The following IPO9 variants were observed in gnomAD, a reference collection of about 807,000 sequenced individuals.
The protein encoded by IPO9 is importin-9.
A neutral mutation model predicts 128.6 loss-of-function variants in IPO9; 28 were observed. The ratio of observed to expected loss-of-function variants is 0.22; its 90% CI spans 0.16 to 0.30. The LOEUF (loss-of-function observed/expected upper bound fraction) is 0.30, where lower values mean the gene tolerates loss of function less well. Ranked by LOEUF, IPO9 falls within the 10% of genes least tolerant of loss-of-function variation. The pLI is 1.00. For synonymous variants in IPO9, 455 were observed against 475.8 expected (o/e 0.96, Z 0.57); for missense variants, 935 against 1,293.9 (o/e 0.72, Z 4.26).
intron 4 of IPO9, among the ~76,000 whole-genome samples, chr1:201,849,467 C>T (rs1680179185): frequency 6.6e-6 from 1 of 152,186 alleles, no homozygotes; most frequent in Admixed American, 6.6e-5. Flanking sequence ...CATCTTTCTC[C>T]TTTGTTCATA....
chr1:201,883,592 A>C lies in IPO9; in HGVS notation c.*7538A>C, dbSNP rs1035806780. On this transcript the variant is annotated 3_prime_UTR_variant, in exon 24 of 24. Transcript: ENST00000361565. ...TGAATTTGCAAGCTTAAGAGCATGT[A>C]TGAGCAGAACCTGTGCAGACCAAGG... 3.3e-5 allele frequency: 5 copies of C among 152,220 alleles called. No individual in the cohort carries two copies. Among genetic ancestry groups the C allele is most frequent in the Admixed American group, 1.3e-4 (2 of 15,282 alleles). 9.4% of individuals were successfully genotyped at this position (152,220 alleles called of 1,614,324 possible). A position where few individuals can be genotyped will look rare whatever the true frequency, so the allele number is the denominator to read the frequency against.
At chr1:201,874,590 A>G (rs575028271) in intron 21 of IPO9, among the ~76,000 whole-genome samples, 1 of 152,318 alleles carries the variant, frequency 6.6e-6, no homozygotes, top group East Asian at 1.9e-4. Context: ...GGCAGCCAGG[A>G]GGCAAGCTAA....
In IPO9 at chr1:201,842,081, T is replaced by C. The variant is rs1309490381; in HGVS notation, c.164-5198T>C. On this transcript the variant is annotated intron_variant, in intron 1 of 23. Transcript: ENST00000361565. ...GCATCAGATCCTACAGATTGAAAGC[T>C]CAGTCCCCAAAACTGCCCCCACCTG... Among the ~76,000 whole-genome samples, 3 of 151,992 alleles carry C rather than the reference T, an allele frequency of 2.0e-5. No homozygotes were observed. In the East Asian group the frequency reaches 5.8e-4, roughly 29 times the overall value.
chr1:201,880,566 A>AT lies in IPO9; in HGVS notation c.*4513dup, dbSNP rs962066122. 7.9e-5 allele frequency: 12 copies of AT among 152,212 alleles called. No homozygotes were observed. The highest frequency in any genetic ancestry group is 2.9e-4 in the African/African-American group (12 of 41,446). The allele number at this position is 152,212 out of a possible 1,614,324, so 9.4% of individuals were successfully genotyped here. A position where few individuals can be genotyped will look rare whatever the true frequency, so the allele number is the denominator to read the frequency against. ...TTTTGCACCCCAGCTAAGCTGACCC[A>AT]TGATCAGTAAGTAGGAAATAAAAGG... is the stretch of plus-strand genomic sequence containing the variant. On this transcript the variant is annotated 3_prime_UTR_variant, in exon 24 of 24. Transcript: ENST00000361565.
At chr1:201,832,724 T>C (rs944402060) in intron 1 of IPO9, among the ~76,000 whole-genome samples, 8 of 152,238 alleles carry the variant, frequency 5.3e-5, no homozygotes, top group African/African-American at 1.9e-4. Context: ...CACACTGTCT[T>C]TGTGAGCTGT....
intron 13 of IPO9, among the ~76,000 whole-genome samples, chr1:201,860,710 G>C (rs1680427801): frequency 6.6e-6 from 1 of 152,132 alleles, no homozygotes; most frequent in South Asian, 2.1e-4. Context: ...TAATTTAAAA[G>C]ACATTTTTAT....
chr1:201,863,839 G>A (rs1045867548), intron 14 of IPO9, among the ~76,000 whole-genome samples: 1 of 152,124 alleles, frequency 6.6e-6, no homozygotes, highest in Non-Finnish European at 1.5e-5. Flanking sequence ...CTCCAGTTCT[G>A]GAATCATCTA....
chr1:201,832,801 GC>G (rs1558214270), intron 1 of IPO9, among the ~76,000 whole-genome samples: 2 of 152,112 alleles, frequency 1.3e-5, no homozygotes, highest in African/African-American at 4.8e-5. Context: ...CGTTCCCTTT[GC>G]CAAAAACATT....
In IPO9 at chr1:201,884,242, C is replaced by T. The variant is rs1174582704; in HGVS notation, c.*8188C>T. ...ACAGAACAAGTGTAATACTAGTTATCTGTTTCATGGAGTGATTGTGAGGAT... is the reference window on the plus strand; with the variant it reads ...ACAGAACAAGTGTAATACTAGTTATTTGTTTCATGGAGTGATTGTGAGGAT... On this transcript the variant is annotated 3_prime_UTR_variant, in exon 24 of 24. Transcript: ENST00000361565. The T allele has an allele frequency of 6.6e-6, 1 of 152,252 alleles. No individual in the cohort carries two copies. Among genetic ancestry groups the T allele is most frequent in the Non-Finnish European group, 1.5e-5 (1 of 68,048 alleles). 9.4% of individuals were successfully genotyped at this position (152,252 alleles called of 1,614,324 possible). A position where few individuals can be genotyped will look rare whatever the true frequency, so the allele number is the denominator to read the frequency against.
rs746953036 is a variant in IPO9, at chr1:201,876,045, C to T, written c.3117C>T (p.Ile1039=). Residue 1039 remains isoleucine, a synonymous_variant, in exon 24 of 24, where the codon ATC becomes ATT. Coordinates refer to ENST00000361565, the MANE Select transcript of IPO9 (RefSeq NM_018085.5). ...ATGAGAGGCGAGTTCTACAGACCAT[C>T]GGCATCTAAAAAGGGGAGCCTTTCT... ...NDNERRVLQT[I]GI is the part of the protein sequence containing the mutation. The T allele has an allele frequency of 3.7e-6, 6 of 1,607,660 alleles. No individual in the cohort carries two copies. Among genetic ancestry groups the T allele is most frequent in the East Asian group, 2.2e-5 (1 of 44,850 alleles).
chr1:201,872,840 C>G lies in IPO9; in HGVS notation c.2589C>G (p.Leu863=). The G allele has an allele frequency of 1.2e-6, 2 of 1,613,224 alleles. No individual in the cohort carries two copies. Among genetic ancestry groups the G allele is most frequent in the Non-Finnish European group, 1.7e-6 (2 of 1,179,584 alleles). The change falls in exon 20 of 24, where the codon CTC becomes CTG. Residue 863 remains leucine (L), a synonymous_variant. Transcript: ENST00000361565. The part of the protein sequence containing the change: ...QYEGKVSSVA[L]CKLLQHGINA... ...TCTTCCTTGCCAGCTCTGTGGCACT[C>G]TGTAAGCTGCTCCAGCATGGCATCA...
At chr1:201,847,453 G>C (rs1680142376) in intron 2 of IPO9, 99 bp from the exon 3 acceptor site, 1 of 1,363,298 alleles carries the variant, frequency 7.3e-7, no homozygotes. Flanking sequence ...TGTTGTGCCA[G>C]ATTTAGATAT....
chr1:201,868,706 C>T lies in IPO9; in HGVS notation c.1914C>T (p.Ala638=), dbSNP rs775003497. Residue 638 remains alanine, a synonymous_variant, in exon 16 of 24, where the codon GCC becomes GCT. Coordinates refer to ENST00000361565, the MANE Select transcript of IPO9 (RefSeq NM_018085.5). The part of the protein sequence containing the change: ...DIFKELSQIE[A]CQGPMQMRLI... ...TCAAGGAGCTGTCCCAGATTGAAGCCTGTCAGGGCCCAATGCAAATGAGGC... is the reference window on the plus strand; with the variant it reads ...TCAAGGAGCTGTCCCAGATTGAAGCTTGTCAGGGCCCAATGCAAATGAGGC... The T allele has an allele frequency of 2.5e-5, 40 of 1,614,088 alleles. No homozygotes were observed. In the South Asian group the frequency reaches 3.1e-4, roughly 12 times the overall value.
chr1:201,876,050 T>A lies in IPO9; in HGVS notation c.3122T>A (p.Ile1041Asn). Residue 1041 changes from isoleucine (I) to asparagine (N), a missense_variant, in exon 24 of 24, where the codon ATC (isoleucine) becomes AAC (asparagine). This residue lies in a region of IPO9 where 188 missense variants were observed against 246.7 expected (regional missense o/e 0.76). Transcript: ENST00000361565. ...AGGCGAGTTCTACAGACCATCGGCATCTAAAAAGGGGAGCCTTTCTACATT... is the reference window on the plus strand; with the variant it reads ...AGGCGAGTTCTACAGACCATCGGCAACTAAAAAGGGGAGCCTTTCTACATT... Reference protein sequence around the residue: ...NERRVLQTIGI With the variant: ...NERRVLQTIGN The A allele has an allele frequency of 6.2e-7, 1 of 1,601,272 alleles. No individual in the cohort carries two copies. The highest frequency in any genetic ancestry group is 8.6e-7 in the Non-Finnish European group (1 of 1,168,346).
rs539651810 is a variant in IPO9 at position 201,869,602 on chromosome 1, A to G, written c.2017A>G (p.Ile673Val). 1 of 1,614,080 alleles carries G rather than the reference A, an allele frequency of 6.2e-7. No homozygotes were observed. The highest frequency in any genetic ancestry group is 1.1e-5 in the South Asian group (1 of 91,076). ...PAGLCATAID[I>V]LTTVVRNTKP... ...TTCTCTCTTTCAGACAGCCATTGAT[A>G]TCCTGACAACAGTAGTACGAAATAC... The change falls in exon 17 of 24, where the codon ATC becomes GTC. Residue 673 changes from isoleucine (I) to valine (V), a missense_variant. This residue lies in a region of IPO9 where 741 missense variants were observed against 1,019.1 expected (regional missense o/e 0.73). Transcript: ENST00000361565.
intron 15 of IPO9, among the ~76,000 whole-genome samples, chr1:201,867,321 G>C (rs1680571321): frequency 6.6e-6 from 1 of 151,946 alleles, no homozygotes; most frequent in African/African-American, 2.4e-5. Context: ...TAGAAAAGGA[G>C]ATACTAAAGA....
intron 1 of IPO9, among the ~76,000 whole-genome samples, chr1:201,844,625 T>C (rs1680093547): frequency 6.6e-6 from 1 of 152,266 alleles, no homozygotes; most frequent in South Asian, 2.1e-4. Flanking sequence ...GGATGAATGA[T>C]ATCCATGAAC....
At position 201,855,896 on chromosome 1, in the gene IPO9, T is replaced by C; in HGVS notation, c.1084T>C (p.Tyr362His). 1.2e-6 allele frequency: 2 copies of C among 1,611,588 alleles called. No individual in the cohort carries two copies. Among genetic ancestry groups the C allele is most frequent in the Non-Finnish European group, 1.7e-6 (2 of 1,179,340 alleles). Reference protein sequence around the residue: ...TVKKALPELIYYIILYMQITE... With the variant: ...TVKKALPELIHYIILYMQITE... ...TAAGAAAGCCTTGCCTGAATTGATT[T>C]ATTATATTATCCTGTACATGCAAAT... Residue 362 changes from tyrosine to histidine, a missense_variant, in exon 10 of 24, where the codon TAT (tyrosine) becomes CAT (histidine). This residue lies in a region of IPO9 where 741 missense variants were observed against 1,019.1 expected (regional missense o/e 0.73). Transcript: ENST00000361565.
chr1:201,866,861 C>T lies in IPO9; in HGVS notation c.1757C>T (p.Thr586Ile). The change falls in exon 15 of 24, where the codon ACC becomes ATC. Residue 586 changes from threonine (T) to isoleucine (I), a missense_variant. Thr to Ile is a moderately conservative substitution (Grantham distance 89, BLOSUM62 -1). Coordinates refer to ENST00000361565, the MANE Select transcript of IPO9 (RefSeq NM_018085.5). Reference protein sequence around the residue: ...SSEVLNLVMETLCIVCTVDPE... With the variant: ...SSEVLNLVMEILCIVCTVDPE... Reference sequence around the variant, plus strand: ...GAGGTCCTCAACCTGGTGATGGAGACCCTGTGCATCGTTTGTACAGTAGAC... The same window carrying T: ...GAGGTCCTCAACCTGGTGATGGAGATCCTGTGCATCGTTTGTACAGTAGAC... The T allele has an allele frequency of 6.2e-7, 1 of 1,614,158 alleles. No homozygotes were observed. The highest frequency in any genetic ancestry group is 8.5e-7 in the Non-Finnish European group (1 of 1,180,022).
Sources: gnomAD v4.1 joint callset for allele counts (sites outside exome capture counted in the v4.1 genomes callset) on GRCh38, gnomAD v4.1.1 for gene constraint, gnomAD v4.1.1 regional missense constraint, MANE v1.5 for transcripts, NCBI Gene and HGNC (gene_info 2026-07-23, HGNC 2026-07-21) for gene names.